Variants in SYPL2 observed in about 807,000 individuals in gnomAD.
The protein encoded by SYPL2 is synaptophysin like 2.
Under a neutral mutation model 31.3 loss-of-function variants are expected in SYPL2, and 24 were observed. The ratio of observed to expected loss-of-function variants is 0.77; its 90% CI spans 0.56 to 1.08. The LOEUF is 1.08. Ranked by LOEUF, SYPL2 falls within the 50% of genes least tolerant of loss-of-function variation. The pLI is 0.00. For missense variants in SYPL2, 342 were observed against 360.1 expected (o/e 0.95, Z 0.41); for synonymous variants, 144 against 143.1 (o/e 1.01, Z -0.05).
chr1:109,476,454 A>G (rs534852540), intron 3 of SYPL2, among the ~76,000 whole-genome samples: 1 of 152,272 alleles, frequency 6.6e-6, no homozygotes, highest in African/African-American at 2.4e-5. Flanking sequence ...TGGTTTGGCT[A>G]CCAGAAAGAG....
chr1:109,480,931 A>C lies in SYPL2; in HGVS notation c.*1383A>C, dbSNP rs563082134. 1 of 152,812 alleles carries C rather than the reference A, an allele frequency of 6.5e-6. No individual in the cohort carries two copies. The highest frequency in any genetic ancestry group is 2.1e-4 in the South Asian group (1 of 4,836). 9.5% of individuals were successfully genotyped at this position (152,812 alleles called of 1,614,324 possible). On this transcript the variant is annotated 3_prime_UTR_variant, in exon 6 of 6. Transcript: ENST00000369872. ...GGTAAGGATCATTTGCTTCCTACCC[A>C]GCTCAATCTGCCCTGGCCATAGGGC...
intron 3 of SYPL2, among the ~76,000 whole-genome samples, chr1:109,476,197 G>A (rs1223756015): frequency 6.6e-6 from 1 of 152,204 alleles, no homozygotes; most frequent in Admixed American, 6.5e-5. Flanking sequence ...GTATTTGAGA[G>A]CTTAGGAAGT....
At chr1:109,475,359 C>T (rs1443344156) in intron 2 of SYPL2, 1 of 528,608 alleles carries the variant, frequency 1.9e-6, no homozygotes, top group Middle Eastern at 5.2e-4. Context: ...GCAGACACCA[C>T]TCAGTCAACC....
chr1:109,474,344 G>A (rs1480600932), intron 2 of SYPL2, among the ~76,000 whole-genome samples: 10 of 136,866 alleles, frequency 7.3e-5, no homozygotes, highest in East Asian at 2.0e-4. Flanking sequence ...TTTTTTTGGC[G>A]GTGGGCGGGA....
rs1266423676 is a variant in SYPL2 at position 109,475,045 on chromosome 1, T to C, written c.130-536T>C. On this transcript the variant is annotated intron_variant, in intron 2 of 5. Transcript: ENST00000369872. ...TGGTAGAAGCTGGCCCCTCCAGCTA[T>C]ACCTCCACCAAGGCAGGAAGCCACT... is the stretch of plus-strand genomic sequence containing the variant. 2.0e-5 allele frequency among the ~76,000 whole-genome samples: 3 copies of C among 152,222 alleles called. No homozygotes were observed. The East Asian group carries it at 5.8e-4, about 29-fold the overall frequency.
Position 109,477,925 on chromosome 1 carries a change from A to T in SYPL2, c.564A>T (p.Thr188=), listed in dbSNP as rs763932664. 2 of 1,614,242 alleles carry T rather than the reference A, an allele frequency of 1.2e-6. No individual in the cohort carries two copies. The highest frequency in any genetic ancestry group is 1.7e-6 in the Non-Finnish European group (2 of 1,180,044). Residue 188 remains threonine (T), a synonymous_variant, in exon 5 of 6, where the codon ACA becomes ACT. Transcript: ENST00000369872. ...VKGATRPSSL[T]AAMSVCHGEE... is the part of the protein sequence containing the mutation. ...GGGCCACACGACCATCCAGCTTGACAGCAGCCATGTCAGTGTGCCATGGAG... is the reference window on the plus strand; with the variant it reads ...GGGCCACACGACCATCCAGCTTGACTGCAGCCATGTCAGTGTGCCATGGAG...
intron 1 of SYPL2, 80 bp from the exon 2 acceptor site, chr1:109,466,979 C>T: frequency 2.0e-6 from 3 of 1,535,798 alleles, no homozygotes; most frequent in South Asian, 1.2e-5. Context: ...CCCTGGACCG[C>T]GTGTGAGTGG....
intron 2 of SYPL2, among the ~76,000 whole-genome samples, chr1:109,467,379 GCCC>G (rs1655686264): frequency 6.6e-6 from 1 of 152,188 alleles, no homozygotes. Context: ...AGGAGCCTTT[GCCC>G]AGGGCGCTCA....
rs1405951238 is a variant in SYPL2 at position 109,478,152 on chromosome 1, G to C, written c.648+143G>C. 7.0e-7 allele frequency: 1 copy of C among 1,436,310 alleles called. No individual in the cohort carries two copies. The highest frequency in any genetic ancestry group is 2.6e-5 in the East Asian group (1 of 39,006). The allele number at this position is 1,436,310 out of a possible 1,614,324, so 89.0% of individuals were successfully genotyped here. A position where few individuals can be genotyped will look rare whatever the true frequency, so the allele number is the denominator to read the frequency against. On this transcript the variant is annotated intron_variant, in intron 5 of 5. Transcript: ENST00000369872. The surrounding 1 kb of genome is among the most constrained non-coding windows in gnomAD (Gnocchi z 4.0). Reference sequence around the variant, plus strand: ...AGCTGGTGCCCTCACTGCGCTTCATGCTGGCTGCTGGCTCCTGGCTGACCC... The same window carrying C: ...AGCTGGTGCCCTCACTGCGCTTCATCCTGGCTGCTGGCTCCTGGCTGACCC...
chr1:109,472,897 G>A (rs12753439), intron 2 of SYPL2, among the ~76,000 whole-genome samples: 92,629 of 151,768 alleles, frequency 0.61, 30,952 homozygotes, highest in East Asian at 0.96. Flanking sequence ...TGGGATTACA[G>A]CTGTGAGCCA....
At chr1:109,466,983 T>A in intron 1 of SYPL2, 76 bp from the exon 2 acceptor site, 7 of 1,536,324 alleles carry the variant, frequency 4.6e-6, no homozygotes, top group Non-Finnish European at 6.1e-6. Context: ...GGACCGCGTG[T>A]GAGTGGGGCA....
rs1422139565 is a variant in SYPL2, at chr1:109,479,490, A to G, written c.761A>G (p.Gln254Arg). The change falls in exon 6 of 6, where the codon CAG becomes CGG. Residue 254 changes from glutamine (Q) to arginine (R), a missense_variant. Transcript: ENST00000369872. ...QGQDQDQDQD[Q>R]GQGPSQESAA... ...CAGGACCAGGACCAGGACCAGGACC[A>G]GGGCCAGGGTCCCAGCCAGGAGAGT... 1 of 1,614,232 alleles carries G rather than the reference A, an allele frequency of 6.2e-7. No individual in the cohort carries two copies. The highest frequency in any genetic ancestry group is 8.5e-7 in the Non-Finnish European group (1 of 1,180,038).
In SYPL2 at chr1:109,479,636, A is replaced by C; in HGVS notation, c.*88A>C. 6.6e-7 allele frequency: 1 copy of C among 1,520,512 alleles called. No individual in the cohort carries two copies. Among genetic ancestry groups the C allele is most frequent in the East Asian group, 2.3e-5 (1 of 43,444 alleles). 94.2% of individuals were successfully genotyped at this position (1,520,512 alleles called of 1,614,324 possible). A position where few individuals can be genotyped will look rare whatever the true frequency, so the allele number is the denominator to read the frequency against. On this transcript the variant is annotated 3_prime_UTR_variant, in exon 6 of 6. Transcript: ENST00000369872. ...GGACCTTTCTCTTCCTCCTCCTCCA[A>C]TTCCCCTCCCCCATCATTCTGGTCT... is the stretch of plus-strand genomic sequence containing the variant.
intron 2 of SYPL2, among the ~76,000 whole-genome samples, chr1:109,469,663 G>A (rs1299887483): frequency 6.6e-6 from 1 of 151,482 alleles, no homozygotes; most frequent in African/African-American, 2.4e-5. Context: ...GGCAATAAGG[G>A]GAGGTCGCGT....
chr1:109,474,323 C>CTTTTTTTTTTT (rs67683974), intron 2 of SYPL2, among the ~76,000 whole-genome samples: 2 of 75,436 alleles, frequency 2.7e-5, no homozygotes, highest in African/African-American at 5.8e-5. Flanking sequence ...CTTTTCTTTT[C>CTTTTTTTTTTT]TTTTTTTTTT....
At chr1:109,479,020 G>A (rs1218004370) in intron 5 of SYPL2, among the ~76,000 whole-genome samples, 2 of 152,244 alleles carry the variant, frequency 1.3e-5, no homozygotes. Flanking sequence ...CCTACCTGGC[G>A]GAAGGTGCTC....
At chr1:109,476,733 G>A (rs781290230) in intron 3 of SYPL2, 43 bp from the exon 4 acceptor site, 2 of 1,593,842 alleles carry the variant, frequency 1.3e-6, no homozygotes, top group African/African-American at 1.3e-5. Flanking sequence ...CAGGGAGAGA[G>A]AGGATTGCCT....
intron 2 of SYPL2, among the ~76,000 whole-genome samples, chr1:109,470,962 C>T (rs1019235918): frequency 1.3e-5 from 2 of 152,108 alleles, no homozygotes; most frequent in Non-Finnish European, 2.9e-5. Context: ...GATGTGAATT[C>T]TCAAGAGCAG....
rs1656057672 is a variant in SYPL2 at position 109,478,103 on chromosome 1, AG to A, written c.648+95del. 1 of 1,521,968 alleles carries A rather than the reference AG, an allele frequency of 6.6e-7. No individual in the cohort carries two copies. The highest frequency in any genetic ancestry group is 1.4e-5 in the African/African-American group (1 of 73,050). 94.3% of individuals were successfully genotyped at this position (1,521,968 alleles called of 1,614,324 possible). A position where few individuals can be genotyped will look rare whatever the true frequency, so the allele number is the denominator to read the frequency against. On this transcript the variant is annotated intron_variant, in intron 5 of 5. Transcript: ENST00000369872. This position sits in a 1 kb window ranked among gnomAD's most constrained non-coding sequence, Gnocchi z 4.0. ...CCTGAAAGGAAAGAGAGGGTGTCCC[AG>A]AGCTGGTGTCCCCTGCACCTGGAGC...
Sources: allele counts gnomAD v4.1 joint callset (sites outside exome capture counted in the v4.1 genomes callset), GRCh38; gene constraint gnomAD v4.1.1; non-coding constraint Gnocchi (gnomAD v3.1); transcripts MANE v1.5; gene names NCBI Gene and HGNC (gene_info 2026-07-23, HGNC 2026-07-21).